BABAM2: variants seen among roughly 807,000 people sequenced by gnomAD.
BABAM2 encodes BRISC and BRCA1-A complex member 2.
Under a neutral mutation model 54.7 loss-of-function variants are expected in BABAM2, and 31 were observed. That is an observed-to-expected ratio of 0.57 (90% CI 0.43 to 0.77). The LOEUF (loss-of-function observed/expected upper bound fraction) is 0.77, where lower values mean the gene tolerates loss of function less well. Ranked by LOEUF, BABAM2 falls within the 30% of genes least tolerant of loss-of-function variation. The pLI is 0.00. For missense variants in BABAM2, 364 were observed against 455.8 expected (o/e 0.80, Z 1.83); for synonymous variants, 167 against 162.9 (o/e 1.03, Z -0.19).
chr2:27,965,952 T>G (rs769416962), intron 3 of BABAM2, among the ~76,000 whole-genome samples: 3 of 152,296 alleles, frequency 2.0e-5, no homozygotes, highest in South Asian at 2.1e-4. Flanking sequence ...TATTTATTTG[T>G]AAAGAAGCTG....
intron 7 of BABAM2, among the ~76,000 whole-genome samples, chr2:28,233,817 G>C (rs1480836678): frequency 1.3e-5 from 2 of 152,218 alleles, no homozygotes; most frequent in Admixed American, 6.5e-5. Context: ...GAGATCAAAT[G>C]AATCTGATTG....
At chr2:27,929,264 T>G (rs551370196) in intron 2 of BABAM2, among the ~76,000 whole-genome samples, 3 of 152,092 alleles carry the variant, frequency 2.0e-5, no homozygotes, top group Non-Finnish European at 4.4e-5. Context: ...CCTGGATAAC[T>G]ACCCCCCACC....
At chr2:27,985,057 A>G (rs796531402) in intron 3 of BABAM2, among the ~76,000 whole-genome samples, 10 of 137,512 alleles carry the variant, frequency 7.3e-5, no homozygotes, top group South Asian at 2.5e-4. Context: ...GTATTCCATG[A>G]TGTGTGTGTG....
chr2:28,229,883 G>A (rs1158199889), intron 7 of BABAM2, among the ~76,000 whole-genome samples: 3 of 151,960 alleles, frequency 2.0e-5, no homozygotes, highest in East Asian at 1.9e-4. Context: ...CACTGCACCC[G>A]GCCCATATTT....
intron 8 of BABAM2, among the ~76,000 whole-genome samples, chr2:28,241,073 C>G (rs1682381862): frequency 6.6e-6 from 1 of 152,016 alleles, no homozygotes. Flanking sequence ...GAGATGCATA[C>G]TGAAATATTT....
intron 6 of BABAM2, among the ~76,000 whole-genome samples, chr2:28,091,596 G>A (rs1416516122): frequency 6.6e-6 from 1 of 152,142 alleles, no homozygotes; most frequent in Non-Finnish European, 1.5e-5. Context: ...GAGTACAGGA[G>A]AATTATACTT....
intron 3 of BABAM2, among the ~76,000 whole-genome samples, chr2:27,971,567 C>T (rs565531391): frequency 6.6e-5 from 10 of 152,058 alleles, no homozygotes; most frequent in South Asian, 4.1e-4. Context: ...CATCTCACTA[C>T]GATATTTCAT....
At chr2:28,074,912 T>G (rs1664513748) in intron 6 of BABAM2, among the ~76,000 whole-genome samples, 1 of 152,194 alleles carries the variant, frequency 6.6e-6, no homozygotes, top group Admixed American at 6.5e-5. Context: ...CTCACTAAAT[T>G]GATATTTATT....
At chr2:28,016,544 CG>C (rs1042049475) in intron 4 of BABAM2, 2 of 644,260 alleles carry the variant, frequency 3.1e-6, no homozygotes, top group African/African-American at 1.8e-5. Flanking sequence ...ATGGCCGAAG[CG>C]GGCCCGCCGC....
chr2:28,066,335 T>C (rs1663564679), intron 6 of BABAM2, among the ~76,000 whole-genome samples: 1 of 152,138 alleles, frequency 6.6e-6, no homozygotes, highest in Non-Finnish European at 1.5e-5. Context: ...ATCAGTAATA[T>C]GACAGCTTAA....
chr2:28,121,837 T>C (rs1398309066), intron 6 of BABAM2, among the ~76,000 whole-genome samples: 1 of 152,152 alleles, frequency 6.6e-6, no homozygotes, highest in Non-Finnish European at 1.5e-5. Flanking sequence ...ATTTGATGGA[T>C]ATTGGAGCCT....
chr2:27,990,680 T>C (rs1358802933), intron 4 of BABAM2, among the ~76,000 whole-genome samples: 1 of 152,158 alleles, frequency 6.6e-6, no homozygotes, highest in Non-Finnish European at 1.5e-5. Flanking sequence ...ATGAAAATTT[T>C]ATATTTGATT....
At chr2:28,261,361 C>T (rs1210128023) in intron 10 of BABAM2, among the ~76,000 whole-genome samples, 1 of 145,904 alleles carries the variant, frequency 6.9e-6, no homozygotes, top group South Asian at 2.1e-4. Context: ...GAGTCTTGCT[C>T]TGTCGCCCAG....
intron 10 of BABAM2, among the ~76,000 whole-genome samples, chr2:28,277,398 C>A (rs778096934): frequency 1.3e-5 from 2 of 152,190 alleles, no homozygotes; most frequent in Non-Finnish European, 2.9e-5. Flanking sequence ...AGCCACTGTT[C>A]CCGGCCCATA....
chr2:27,903,736 G>T (rs1229273352), intron 2 of BABAM2, among the ~76,000 whole-genome samples: 1 of 152,180 alleles, frequency 6.6e-6, no homozygotes, highest in Non-Finnish European at 1.5e-5. Context: ...AGCATACGCT[G>T]TAGCTGTTAT....
At chr2:28,134,909 C>T (rs1473701414) in intron 7 of BABAM2, among the ~76,000 whole-genome samples, 1 of 152,196 alleles carries the variant, frequency 6.6e-6, no homozygotes, top group African/African-American at 2.4e-5. Context: ...CATATTAATA[C>T]ATGGCATCAG....
At chr2:28,309,811 G>T in intron 11 of BABAM2, 1 of 397,114 alleles carries the variant, frequency 2.5e-6, no homozygotes, top group Non-Finnish European at 4.6e-6. Context: ...GAGTTTTCCA[G>T]GCCCAGGCCA....
chr2:28,164,180 A>G (rs1573725494), intron 7 of BABAM2, among the ~76,000 whole-genome samples: 1 of 152,216 alleles, frequency 6.6e-6, no homozygotes, highest in Admixed American at 6.5e-5. Flanking sequence ...CGTGCAGTCA[A>G]TAAAATACAG....
chr2:28,259,870 A>G (rs1425333939), intron 10 of BABAM2, among the ~76,000 whole-genome samples: 1 of 151,484 alleles, frequency 6.6e-6, no homozygotes, highest in African/African-American at 2.4e-5. Context: ...CTCAAAAGTC[A>G]GTTGACCATA....
Sources: gnomAD v4.1 joint callset for allele counts (sites outside exome capture counted in the v4.1 genomes callset) on GRCh38, gnomAD v4.1.1 for gene constraint, MANE v1.5 for transcripts, NCBI Gene and HGNC (gene_info 2026-07-23, HGNC 2026-07-21) for gene names.